Variants in CDC45 observed in about 807,000 individuals in gnomAD.
CDC45 encodes the protein cell division cycle 45, also known as cell division control protein 45 homolog.
In CDC45, 54 loss-of-function variants were observed where a neutral mutation model predicts 77.8. That is an observed-to-expected ratio of 0.69 (90% CI 0.56 to 0.87). The LOEUF (loss-of-function observed/expected upper bound fraction) is 0.87, where lower values mean the gene tolerates loss of function less well. CDC45 is among the 40% of genes least tolerant of loss of function. CDC45 has a pLI of 0.00. For missense variants in CDC45, 649 were observed against 721.6 expected (o/e 0.90, Z 1.15); for synonymous variants, 260 against 272.1 (o/e 0.96, Z 0.44).
At chr22:19,508,729 C>A (rs201290081) in intron 13 of CDC45, 38 bp downstream of exon 13, 1 of 1,598,496 alleles carries the variant, frequency 6.3e-7, no homozygotes, top group Non-Finnish European at 8.6e-7. Context: ...ATGGGGCCAC[C>A]ACTGGTTCTC....
intron 5 of CDC45, among the ~76,000 whole-genome samples, chr22:19,491,703 ATTTG>A (rs2090155975): frequency 6.6e-6 from 1 of 151,494 alleles, no homozygotes; most frequent in Non-Finnish European, 1.5e-5. Flanking sequence ...TGTCTATCCT[ATTTG>A]TTTCTCTTAT....
At position 19,482,731 on chromosome 22, in the gene CDC45, C is replaced by T. The variant is rs762559397; in HGVS notation, c.246C>T (p.Asp82=). The change falls in exon 4 of 19, where the codon GAC becomes GAT. Residue 82 remains aspartate, a synonymous_variant. Coordinates refer to ENST00000263201, the MANE Select transcript of CDC45 (RefSeq NM_003504.5). ...TCATAAACTGTGGAGCTAATGTAGA[C>T]CTATTGGATATTCTTCAACCTGATG... ...FILINCGANV[D]LLDILQPDED... is the part of the protein sequence containing the mutation. 3 of 1,612,022 alleles carry T rather than the reference C, an allele frequency of 1.9e-6. No homozygotes were observed. Among genetic ancestry groups the T allele is most frequent in the African/African-American group, 2.7e-5 (2 of 74,962 alleles).
At chr22:19,515,149 G>A in intron 15 of CDC45, 101 bp downstream of exon 15, 3 of 1,062,878 alleles carry the variant, frequency 2.8e-6, no homozygotes, top group Non-Finnish European at 4.0e-6. Context: ...TGTGGCTGTT[G>A]ACCAGCTGCA....
intron 5 of CDC45, among the ~76,000 whole-genome samples, chr22:19,488,366 T>C (rs1471660654): frequency 6.6e-6 from 1 of 152,254 alleles, no homozygotes; most frequent in African/African-American, 2.4e-5. Context: ...GGGGACTCAA[T>C]GGCTAAGAAC....
chr22:19,516,795 G>C, intron 16 of CDC45, 22 bp from the exon 17 acceptor site: 1 of 1,611,784 alleles, frequency 6.2e-7, no homozygotes, highest in Non-Finnish European at 8.5e-7. Context: ...CCTGGCCCCC[G>C]ACATGTCTTG....
Position 19,507,457 on chromosome 22 carries a change from G to C in CDC45, c.896G>C (p.Arg299Thr), listed in dbSNP as rs1297516505. 1 of 1,614,186 alleles carries C rather than the reference G, an allele frequency of 6.2e-7. No individual in the cohort carries two copies. The highest frequency in any genetic ancestry group is 8.5e-7 in the Non-Finnish European group (1 of 1,180,034). ...SLCNTSYTAARFKLWSVHGQK... is the reference protein window; with the variant it reads ...SLCNTSYTAATFKLWSVHGQK... ...TGCAACACCAGCTATACCGCAGCCA[G>C]GTTCAAGCTGTGGTCTGTGCATGGA... The change falls in exon 11 of 19, where the codon AGG becomes ACG. Residue 299 changes from arginine to threonine, a missense_variant. Physicochemically the swap from Arg to Thr is moderately conservative, Grantham distance 71 (BLOSUM62 -1). Transcript: ENST00000263201.
At chr22:19,497,669 G>A (rs1003126521) in intron 8 of CDC45, among the ~76,000 whole-genome samples, 1 of 152,158 alleles carries the variant, frequency 6.6e-6, no homozygotes, top group African/African-American at 2.4e-5. Flanking sequence ...AGAATGCAGA[G>A]GAAGAGAATA....
At chr22:19,494,932 C>T (rs1018390844) in intron 6 of CDC45, among the ~76,000 whole-genome samples, 8 of 152,164 alleles carry the variant, frequency 5.3e-5, no homozygotes, top group Admixed American at 5.2e-4. Context: ...GTGGCTCATG[C>T]CTGTATTCCC....
intron 9 of CDC45, 125 bp downstream of exon 9, chr22:19,499,276 C>G: frequency 2.2e-6 from 2 of 919,898 alleles, no homozygotes; most frequent in Admixed American, 1.9e-5. Flanking sequence ...GAGGACTGGC[C>G]CTCCTCCTTG....
At chr22:19,489,853 A>G (rs1420715763) in intron 5 of CDC45, among the ~76,000 whole-genome samples, 2 of 152,210 alleles carry the variant, frequency 1.3e-5, no homozygotes, top group African/African-American at 4.8e-5. Context: ...GGCTAGTAAT[A>G]CTTTCAACTC....
At chr22:19,481,848 T>C (rs1025065918) in intron 3 of CDC45, among the ~76,000 whole-genome samples, 3 of 152,214 alleles carry the variant, frequency 2.0e-5, no homozygotes, top group Admixed American at 2.0e-4. Context: ...ATTTTTGTAT[T>C]TCTAGTAGAG....
chr22:19,493,302 C>T (rs1345549819), intron 5 of CDC45, among the ~76,000 whole-genome samples: 2 of 149,314 alleles, frequency 1.3e-5, no homozygotes, highest in East Asian at 3.9e-4. Flanking sequence ...AGGTTGCTGG[C>T]TTTTCAGCTC....
rs753914279 is a variant in CDC45 at position 19,518,912 on chromosome 22, G to A, written c.*1+3G>A. The A allele has an allele frequency of 4.3e-5, 70 of 1,612,572 alleles. No homozygotes were observed. Among genetic ancestry groups the A allele is most frequent in the Non-Finnish European group, 5.3e-5 (62 of 1,178,778 alleles). On this transcript the variant is annotated splice_donor_region_variant and intron_variant, in intron 18 of 18. Coordinates refer to ENST00000263201, the MANE Select transcript of CDC45 (RefSeq NM_003504.5). ...ACTTATTTCCCTCCTGTCCTAGGGT[G>A]AGTTACAGGGGTTCTGCAGGGGTGG...
chr22:19,494,298 A>G (rs2090202855), intron 5 of CDC45, 29 bp from the exon 6 acceptor site: 31 of 1,607,784 alleles, frequency 1.9e-5, no homozygotes, highest in Non-Finnish European at 2.6e-5. Context: ...CATTTGCTCC[A>G]CCTTTTGTTC....
At chr22:19,512,180 T>A (rs1258003690) in intron 13 of CDC45, among the ~76,000 whole-genome samples, 1 of 152,180 alleles carries the variant, frequency 6.6e-6, no homozygotes, top group Non-Finnish European at 1.5e-5. Flanking sequence ...CCAGGCTCCC[T>A]TGCTGTTTAA....
At chr22:19,511,164 A>T (rs9606043) in intron 13 of CDC45, among the ~76,000 whole-genome samples, 63,841 of 151,916 alleles carry the variant, frequency 0.42, 15,336 homozygotes, top group South Asian at 0.61. Context: ...GACACTTGTT[A>T]TTGTCCATCT....
At position 19,486,878 on chromosome 22, in the gene CDC45, G is replaced by A. The variant is rs1037206664; in HGVS notation, c.486+2873G>A. ...TTTTTAGTAGAGACGGGGTTTCACC[G>A]TGTTAGCCAGGATGGTCTCGATCTC... On this transcript the variant is annotated intron_variant, in intron 5 of 18. Transcript: ENST00000263201. Among the ~76,000 whole-genome samples, 14 of 152,020 alleles carry A rather than the reference G, an allele frequency of 9.2e-5. 1 individual carries two copies. The highest frequency in any genetic ancestry group is 3.3e-4 in the Admixed American group (5 of 15,274).
chr22:19,518,076 C>T (rs946038295), intron 17 of CDC45, among the ~76,000 whole-genome samples: 2 of 152,228 alleles, frequency 1.3e-5, no homozygotes, highest in Admixed American at 1.3e-4. Context: ...ATTGGTTCAC[C>T]CCGCACAGCA....
chr22:19,506,620 A>T (rs549279734), intron 10 of CDC45, among the ~76,000 whole-genome samples: 23 of 152,294 alleles, frequency 1.5e-4, no homozygotes, highest in South Asian at 1.0e-3. Context: ...TGCCAGGGGC[A>T]GTGATGGATA....
Sources: gnomAD v4.1 joint callset for allele counts (sites outside exome capture counted in the v4.1 genomes callset) on GRCh38, gnomAD v4.1.1 for gene constraint, MANE v1.5 for transcripts, NCBI Gene and HGNC (gene_info 2026-07-23, HGNC 2026-07-21) for gene names.